FGF13: variants seen among roughly 807,000 people sequenced by gnomAD.
FGF13 encodes fibroblast growth factor homologous factor 2.
FGF13 carries 2 observed loss-of-function variants against 19.5 expected under a neutral mutation model. That is an observed-to-expected ratio of 0.10 (90% CI 0.04 to 0.32). The LOEUF (loss-of-function observed/expected upper bound fraction) is 0.32. Ranked by LOEUF, FGF13 falls within the 10% of genes least tolerant of loss-of-function variation. The pLI, the probability that FGF13 is intolerant of heterozygous loss-of-function variation, is 1.00. For missense variants in FGF13, 113 were observed against 192.7 expected (o/e 0.59, Z 2.45); for synonymous variants, 72 against 76.9 (o/e 0.94, Z 0.33).
intron 3 of FGF13, among the ~76,000 whole-genome samples, chrX:138,789,372 G>C (rs1271854195): frequency 9.5e-6 from 1 of 105,330 alleles, no homozygotes; most frequent in East Asian, 3.0e-4. Context: ...AGTAGAGATG[G>C]GGTTTCACCA....
chrX:139,105,868 G>A (rs1022952442), intron 1 of FGF13, among the ~76,000 whole-genome samples: 1 of 111,498 alleles, frequency 9.0e-6, no homozygotes, highest in Non-Finnish European at 1.9e-5. Flanking sequence ...ATTACAATAG[G>A]GCTTTTTTCT....
chrX:138,961,050 T>C (rs913754762), intron 1 of FGF13, among the ~76,000 whole-genome samples: 24 of 111,439 alleles, frequency 2.2e-4, no homozygotes, highest in African/African-American at 5.5e-4. Flanking sequence ...CTCTGTTCCA[T>C]TGCTGGTGAG....
In FGF13 at chrX:138,623,680, G is replaced by A. The variant is rs919076837; in HGVS notation, c.*9170C>T. 3.0e-4 allele frequency: 33 copies of A among 110,827 alleles called. No individual in the cohort carries two copies. The highest frequency in any genetic ancestry group is 1.1e-3 in the African/African-American group (33 of 30,453). The allele number at this position is 110,827 out of a possible 1,213,427, so 9.1% of individuals were successfully genotyped here. A position where few individuals can be genotyped will look rare whatever the true frequency, so the allele number is the denominator to read the frequency against. On this transcript the variant is annotated 3_prime_UTR_variant, in exon 5 of 5. Transcript: ENST00000315930. ...TAATCCCAGCTACTCGGGAGGCTGA[G>A]GCAAGAGAATCCCTTTAACTCGGGA...
chrX:138,703,170 C>A, intron 2 of FGF13, 83 bp from the exon 3 acceptor site: 3 of 717,010 alleles, frequency 4.2e-6, no homozygotes, highest in Non-Finnish European at 6.6e-6. Context: ...ACTGCCTGGT[C>A]CTCCAAAAGT....
intron 3 of FGF13, among the ~76,000 whole-genome samples, chrX:138,775,737 G>A (rs1232331735): frequency 3.6e-5 from 4 of 112,599 alleles, no homozygotes; most frequent in Non-Finnish European, 7.5e-5. Flanking sequence ...CATCGTGATA[G>A]AAGATCCTAC....
chrX:139,055,322 T>C (rs1002900886), intron 1 of FGF13, among the ~76,000 whole-genome samples: 6 of 111,970 alleles, frequency 5.4e-5, no homozygotes, highest in Non-Finnish European at 7.5e-5. Flanking sequence ...ATTGCTTTGA[T>C]TGTACTTTGT....
chrX:138,866,736 T>G (rs1318158829), intron 1 of FGF13, among the ~76,000 whole-genome samples: 4 of 111,940 alleles, frequency 3.6e-5, no homozygotes, highest in African/African-American at 1.3e-4. Context: ...AATGCAGACT[T>G]GCAGGACTGC....
chrX:138,745,520 T>C (rs1011631802), intron 3 of FGF13, among the ~76,000 whole-genome samples: 1 of 112,091 alleles, frequency 8.9e-6, no homozygotes, highest in African/African-American at 3.2e-5. Context: ...ACAATTTCTT[T>C]TTCCTCTCAG....
intron 1 of FGF13, among the ~76,000 whole-genome samples, chrX:138,927,909 T>C (rs2091682498): frequency 8.9e-6 from 1 of 112,034 alleles, no homozygotes; most frequent in Non-Finnish European, 1.9e-5. Flanking sequence ...AAAGCTGGAC[T>C]AAAGAAATAA....
intron 3 of FGF13, among the ~76,000 whole-genome samples, chrX:138,829,866 G>A (rs1421887518): frequency 9.0e-6 from 1 of 111,466 alleles, no homozygotes; most frequent in Non-Finnish European, 1.9e-5. Context: ...ACAGGTGTGT[G>A]CCACAATGCT....
intron 1 of FGF13, among the ~76,000 whole-genome samples, chrX:139,005,550 C>A (rs2092097583): frequency 9.1e-6 from 1 of 110,059 alleles, no homozygotes; most frequent in African/African-American, 3.3e-5. Context: ...CAAGCATCAA[C>A]ACCATCCTGA....
intron 1 of FGF13, among the ~76,000 whole-genome samples, chrX:138,994,183 G>T (rs1028832530): frequency 6.3e-5 from 7 of 111,428 alleles, no homozygotes; most frequent in African/African-American, 2.3e-4. Flanking sequence ...CAAGCTCAAG[G>T]TACCAGCATA....
intron 3 of FGF13, among the ~76,000 whole-genome samples, chrX:138,817,935 A>G (rs895184759): frequency 8.9e-6 from 1 of 112,014 alleles, no homozygotes; most frequent in African/African-American, 3.2e-5. Context: ...ATGAAAGTGA[A>G]TAAGTATGGA....
At chrX:139,046,967 GGTCT>G (rs2124409012) in intron 1 of FGF13, among the ~76,000 whole-genome samples, 1 of 111,588 alleles carries the variant, frequency 9.0e-6, no homozygotes, top group East Asian at 2.8e-4. Flanking sequence ...GAAAATAACT[GGTCT>G]GTCCTCAAAA....
intron 2 of FGF13, among the ~76,000 whole-genome samples, chrX:138,704,448 G>T (rs973826925): frequency 8.9e-6 from 1 of 112,566 alleles, no homozygotes; most frequent in Non-Finnish European, 1.9e-5. Context: ...TGATGATTTT[G>T]CCTTGTTTTG....
chrX:139,204,924 C>T (rs2084454858), upstream of FGF13: 3 of 111,704 alleles, frequency 2.7e-5, no homozygotes, highest in Admixed American at 2.8e-4. Context: ...CCCTTACCTG[C>T]TCTCTTTCTC....
intron 3 of FGF13, among the ~76,000 whole-genome samples, chrX:138,639,520 C>A (rs992726797): frequency 3.6e-5 from 4 of 112,095 alleles, no homozygotes; most frequent in African/African-American, 6.5e-5. Flanking sequence ...GTCTTCTGAC[C>A]TTTTATGTGT....
intron 1 of FGF13, among the ~76,000 whole-genome samples, chrX:139,096,702 T>C (rs923703858): frequency 4.5e-5 from 5 of 111,797 alleles, no homozygotes; most frequent in African/African-American, 1.6e-4. Flanking sequence ...ATTAAAAGGG[T>C]CATAACTACA....
intron 1 of FGF13, among the ~76,000 whole-genome samples, chrX:138,887,966 T>C (rs1208564996): frequency 8.9e-6 from 1 of 112,149 alleles, no homozygotes; most frequent in Non-Finnish European, 1.9e-5. Flanking sequence ...AAAGGCCCTT[T>C]CTCTCCTCAG....
Sources: allele counts gnomAD v4.1 joint callset (sites outside exome capture counted in the v4.1 genomes callset), GRCh38; gene constraint gnomAD v4.1.1; transcripts MANE v1.5; gene names NCBI Gene and HGNC (gene_info 2026-07-23, HGNC 2026-07-21).